The following CLVS1 variants were observed in gnomAD, a reference collection of about 807,000 sequenced individuals.
The protein encoded by CLVS1 is clavesin 1, also known as clavesin-1.
CLVS1 carries 10 observed loss-of-function variants against 33.1 expected under a neutral mutation model. That is an observed-to-expected ratio of 0.30 (90% CI 0.19 to 0.51). The LOEUF (loss-of-function observed/expected upper bound fraction) is 0.51. Ranked by LOEUF, CLVS1 falls within the 20% of genes least tolerant of loss-of-function variation. CLVS1 has a pLI of 0.97. For synonymous variants in CLVS1, 163 were observed against 166.1 expected, an observed-to-expected ratio of 0.98 and a Z score of 0.14; for missense variants, 343 against 433.4, an observed-to-expected ratio of 0.79 and a Z score of 1.85.
chr8:61,490,520 T>G (rs1033235520), intron 5 of CLVS1, among the ~76,000 whole-genome samples: 3 of 150,202 alleles, frequency 2.0e-5, no homozygotes, highest in African/African-American at 7.4e-5. Context: ...TACAAAAAAT[T>G]AGCTGAGCGT....
At chr8:61,292,897 A>G (rs1029222990) in intron 1 of CLVS1, among the ~76,000 whole-genome samples, 1 of 152,206 alleles carries the variant, frequency 6.6e-6, no homozygotes, top group African/African-American at 2.4e-5. Context: ...AAATGGTTCT[A>G]GAATCCTCTG....
intron 1 of CLVS1, chr8:61,292,096 G>A (rs767650149): frequency 2.4e-5 from 7 of 290,634 alleles, no homozygotes; most frequent in Non-Finnish European, 4.1e-5. Context: ...ACCACCCTTT[G>A]AGAAGCCAGG....
At chr8:61,441,672 G>A (rs1816552202) in intron 3 of CLVS1, among the ~76,000 whole-genome samples, 1 of 152,164 alleles carries the variant, frequency 6.6e-6, no homozygotes, top group Non-Finnish European at 1.5e-5. Flanking sequence ...GGCCACGGGT[G>A]ACATCTGTAT....
intron 1 of CLVS1, among the ~76,000 whole-genome samples, chr8:61,060,356 C>T (rs1418736723): frequency 2.0e-5 from 3 of 152,122 alleles, no homozygotes; most frequent in Admixed American, 6.6e-5. Context: ...CCAACCTTTG[C>T]TCTTGAGGAA....
the CLVS1 span, among the ~76,000 whole-genome samples, chr8:60,970,700 C>T: frequency 1.3e-5 from 2 of 152,194 alleles, no homozygotes; most frequent in African/African-American, 4.8e-5. Context: ...TCCATTCCCT[C>T]TTGCAGAATC....
intron 1 of CLVS1, among the ~76,000 whole-genome samples, chr8:61,125,022 T>C (rs1048014946): frequency 1.3e-5 from 2 of 152,164 alleles, no homozygotes; most frequent in Non-Finnish European, 2.9e-5. Context: ...GGCTGGGTAC[T>C]GGGCTGAGTG....
intron 5 of CLVS1, among the ~76,000 whole-genome samples, chr8:61,480,015 G>A (rs560768768): frequency 2.6e-5 from 4 of 152,366 alleles, no homozygotes; most frequent in African/African-American, 9.6e-5. Flanking sequence ...CTCCCCGTTA[G>A]GCTACTCAGG....
intron 5 of CLVS1, among the ~76,000 whole-genome samples, chr8:61,495,917 T>C (rs1027403480): frequency 6.6e-6 from 1 of 152,216 alleles, no homozygotes; most frequent in African/African-American, 2.4e-5. Flanking sequence ...AAGAGGAATC[T>C]GGCTAGCCTT....
the CLVS1 span, among the ~76,000 whole-genome samples, chr8:60,965,550 C>A: frequency 6.6e-6 from 1 of 152,142 alleles, no homozygotes; most frequent in East Asian, 1.9e-4. Context: ...CATTAGGCAC[C>A]CCTGATGGAG....
At chr8:61,271,593 G>C (rs374020183) in intron 2 of CLVS1, among the ~76,000 whole-genome samples, 58 of 126,998 alleles carry the variant, frequency 4.6e-4, no homozygotes, top group Middle Eastern at 3.6e-3. Context: ...TCTCGTTGAT[G>C]TGTCTAATGT....
At chr8:61,247,001 C>T (rs1404037299) in intron 2 of CLVS1, among the ~76,000 whole-genome samples, 1 of 152,132 alleles carries the variant, frequency 6.6e-6, no homozygotes, top group Admixed American at 6.5e-5. Context: ...TTGTTTCCTT[C>T]TTTGTGTTCA....
chr8:61,492,198 T>C (rs1331801004), intron 5 of CLVS1, among the ~76,000 whole-genome samples: 3 of 152,244 alleles, frequency 2.0e-5, no homozygotes, highest in African/African-American at 4.8e-5. Flanking sequence ...ACATATGTAA[T>C]TTTGAGTTGT....
intron 2 of CLVS1, among the ~76,000 whole-genome samples, chr8:61,256,601 A>G (rs1407136818): frequency 6.6e-6 from 1 of 151,934 alleles, no homozygotes; most frequent in Non-Finnish European, 1.5e-5. Flanking sequence ...AACAAAAACA[A>G]AAAAATATTA....
intron 5 of CLVS1, among the ~76,000 whole-genome samples, chr8:61,486,560 A>G (rs550879609): frequency 6.6e-6 from 1 of 152,252 alleles, no homozygotes; most frequent in East Asian, 1.9e-4. Context: ...CTGTGGATAG[A>G]ATACATCTTT....
intron 1 of CLVS1, among the ~76,000 whole-genome samples, chr8:61,077,865 T>C (rs1804951969): frequency 6.6e-6 from 1 of 152,148 alleles, no homozygotes; most frequent in South Asian, 2.1e-4. Flanking sequence ...GGGGGCCCGC[T>C]GCTCTGCAAG....
At chr8:61,294,125 CAG>C (rs1026813752) in intron 1 of CLVS1, among the ~76,000 whole-genome samples, 3 of 152,056 alleles carry the variant, frequency 2.0e-5, no homozygotes, top group African/African-American at 4.8e-5. Context: ...TTAGGACTGA[CAG>C]GGTGTGGATG....
chr8:61,196,291 CATGTGCCAT>C (rs142559641), intron 2 of CLVS1, among the ~76,000 whole-genome samples: 3,135 of 152,194 alleles, frequency 0.021, 119 homozygotes, highest in African/African-American at 0.072. Context: ...TACTATGTGA[CATGTGCCAT>C]ATGAGTAATA....
At chr8:61,486,250 G>GT (rs565836877) in intron 5 of CLVS1, among the ~76,000 whole-genome samples, 10 of 152,016 alleles carry the variant, frequency 6.6e-5, no homozygotes, top group South Asian at 6.3e-4. Flanking sequence ...TTTTTGCTTA[G>GT]TTTTTTTTCT....
At chr8:60,994,022 C>T in the CLVS1 span, among the ~76,000 whole-genome samples, 3 of 152,150 alleles carry the variant, frequency 2.0e-5, no homozygotes, top group South Asian at 2.1e-4. Context: ...CATTAGTCTG[C>T]GAGGGCTACC....
Sources: gnomAD v4.1 joint callset for allele counts (sites outside exome capture counted in the v4.1 genomes callset) on GRCh38, gnomAD v4.1.1 for gene constraint, MANE v1.5 for transcripts, NCBI Gene and HGNC (gene_info 2026-07-23, HGNC 2026-07-21) for gene names.